Variants in TP53I11 observed in about 807,000 individuals in gnomAD.
The protein encoded by TP53I11 is tumor protein p53 inducible protein 11, also known as tumor protein p53-inducible protein 11.
TP53I11 carries 9 observed loss-of-function variants against 23.3 expected under a neutral mutation model. The ratio of observed to expected loss-of-function variants is 0.39; its 90% CI spans 0.23 to 0.67. The LOEUF is 0.67. Among genes scored for constraint, TP53I11 ranks in the 30% least tolerant of loss-of-function variants. The probability of loss-of-function intolerance (pLI) is 0.48; values close to 1 mark genes in which losing one functional copy is unlikely to be tolerated. For synonymous variants in TP53I11, 100 were observed against 106.1 expected (o/e 0.94, Z 0.35); for missense variants, 170 against 255.2 (o/e 0.67, Z 2.27).
chr11:44,940,592 C>T (rs1861652561), intron 1 of TP53I11: 1 of 152,214 alleles, frequency 6.6e-6, no homozygotes, highest in Non-Finnish European at 1.5e-5. Flanking sequence ...AGAGTCCGCT[C>T]CTTTTTATTG....
chr11:44,948,583 C>T (rs2135518854), intron 1 of TP53I11, among the ~76,000 whole-genome samples: 1 of 152,278 alleles, frequency 6.6e-6, no homozygotes, highest in East Asian at 1.9e-4. Flanking sequence ...GAATTGCCTC[C>T]CCCTGCCCCC....
intron 1 of TP53I11, among the ~76,000 whole-genome samples, chr11:44,947,585 G>A (rs1180275839): frequency 1.3e-5 from 2 of 152,250 alleles, no homozygotes; most frequent in East Asian, 1.9e-4. Flanking sequence ...GGGGAGGCAG[G>A]TGGAAGGGTC....
chr11:44,935,707 T>G, intron 5 of TP53I11, 45 bp from the exon 6 acceptor site: 1 of 1,357,906 alleles, frequency 7.4e-7, no homozygotes, highest in Non-Finnish European at 1.0e-6. Flanking sequence ...GACAGCTGAC[T>G]CCCTCCCAGC....
rs1272170429 is a variant in TP53I11 at position 44,933,066 on chromosome 11, G to C, written c.*1818C>G. The C allele has an allele frequency of 6.6e-6, 1 of 152,588 alleles. No homozygotes were observed. Among genetic ancestry groups the C allele is most frequent in the African/African-American group, 2.4e-5 (1 of 41,486 alleles). The allele number at this position is 152,588 out of a possible 1,614,324, so 9.5% of individuals were successfully genotyped here. A position where few individuals can be genotyped will look rare whatever the true frequency, so the allele number is the denominator to read the frequency against. ...GCAGTGGTGGCTCGTGGCCAGACCA[G>C]GGCTCGGCAGCAGGGAGGCAGCTCT... On this transcript the variant is annotated 3_prime_UTR_variant, in exon 7 of 7. Transcript: ENST00000525680.
chr11:44,943,585 T>G (rs554338006), intron 1 of TP53I11, among the ~76,000 whole-genome samples: 20 of 152,346 alleles, frequency 1.3e-4, no homozygotes, highest in African/African-American at 4.3e-4. Context: ...AGAAGGTCCC[T>G]GGGACACTCT....
At chr11:44,946,430 G>A (rs890121119) in intron 1 of TP53I11, among the ~76,000 whole-genome samples, 13 of 152,208 alleles carry the variant, frequency 8.5e-5, no homozygotes, top group Admixed American at 2.0e-4. Flanking sequence ...TGCAGCATCC[G>A]TCTTCCTCAT....
Position 44,939,547 on chromosome 11 carries a change from C to T in TP53I11, c.-31-1181G>A, listed in dbSNP as rs1590759693. Among the ~76,000 whole-genome samples, 4 of 152,366 alleles carry T rather than the reference C, an allele frequency of 2.6e-5. No homozygotes were observed. The East Asian group carries it at 7.7e-4, about 29-fold the overall frequency. On this transcript the variant is annotated intron_variant, in intron 1 of 6. Transcript: ENST00000525680. The stretch of plus-strand genomic sequence containing the variant: ...CCAGGCAAATCTCACCCTCCTGCCC[C>T]AGCCAGGGCTGCCAGAGGCAGAGTG...
chr11:44,948,344 G>A, intron 1 of TP53I11, among the ~76,000 whole-genome samples: 1 of 152,044 alleles, frequency 6.6e-6, no homozygotes, highest in East Asian at 1.9e-4. Context: ...TAGCTGCAGG[G>A]TAGGCACATT....
intron 1 of TP53I11, 141 bp from the exon 2 acceptor site, chr11:44,938,507 C>T: frequency 3.0e-6 from 3 of 985,488 alleles, no homozygotes; most frequent in Middle Eastern, 3.2e-4. Context: ...AGGGGGAGTA[C>T]AGCTGGCTTC....
At chr11:44,949,381 GC>G (rs1862707541) in intron 1 of TP53I11, among the ~76,000 whole-genome samples, 2 of 152,092 alleles carry the variant, frequency 1.3e-5, no homozygotes, top group South Asian at 4.1e-4. Context: ...CCGCAGGCCC[GC>G]CCCGTCAAGA....
At position 44,936,945 on chromosome 11, in the gene TP53I11, G is replaced by C. The variant is rs939498250; in HGVS notation, c.238-46C>G. 8 of 1,380,264 alleles carry C rather than the reference G, an allele frequency of 5.8e-6. No individual in the cohort carries two copies. Among genetic ancestry groups the C allele is most frequent in the Non-Finnish European group, 7.0e-6 (7 of 1,000,016 alleles). The allele number at this position is 1,380,264 out of a possible 1,614,324, so 85.5% of individuals were successfully genotyped here. A position where few individuals can be genotyped will look rare whatever the true frequency, so the allele number is the denominator to read the frequency against. On this transcript the variant is annotated intron_variant, in intron 4 of 6. Transcript: ENST00000525680. The surrounding 1 kb of genome is among the most constrained non-coding windows in gnomAD (Gnocchi z 4.4). ...TCAGAGGTCCCGCTTGGGAGAGGGT[G>C]GGGGGTGACAGCTGATGCTTCCCAC...
intron 6 of TP53I11, 51 bp from the exon 7 acceptor site, chr11:44,935,068 C>T: frequency 1.2e-6 from 2 of 1,606,896 alleles, no homozygotes; most frequent in Non-Finnish European, 8.5e-7. Flanking sequence ...GGGATGTGTC[C>T]CAGCGCTGCC....
rs1565049408 is a variant in TP53I11, at chr11:44,933,690, C to T, written c.*1194G>A. ...GGCCCCAAGACAGCCAGTTGTCAGC[C>T]TTTGCCAGGGCGCTGGACAGGGCGG... On this transcript the variant is annotated 3_prime_UTR_variant, in exon 7 of 7. Transcript: ENST00000525680. 1 of 153,016 alleles carries T rather than the reference C, an allele frequency of 6.5e-6. No homozygotes were observed. Among genetic ancestry groups the T allele is most frequent in the South Asian group, 2.0e-4 (1 of 4,958 alleles). 9.5% of individuals were successfully genotyped at this position (153,016 alleles called of 1,614,324 possible).
chr11:44,948,163 G>A (rs1003027151), intron 1 of TP53I11, among the ~76,000 whole-genome samples: 5 of 152,150 alleles, frequency 3.3e-5, no homozygotes, highest in Admixed American at 6.5e-5. Flanking sequence ...GGGAGGTATC[G>A]TGGACCAGGA....
chr11:44,941,007 T>A (rs1394456368), intron 1 of TP53I11: 2 of 152,198 alleles, frequency 1.3e-5, no homozygotes, highest in African/African-American at 2.4e-5. Flanking sequence ...CCTTACCTCT[T>A]CCTGCTGTGT....
At chr11:44,938,141 C>A in intron 2 of TP53I11, 66 bp downstream of exon 2, 3 of 1,529,918 alleles carry the variant, frequency 2.0e-6, no homozygotes, top group Non-Finnish European at 2.6e-6. Flanking sequence ...GGCTAACCTT[C>A]TCCCCTAATG....
At chr11:44,943,932 C>T (rs528096148) in intron 1 of TP53I11, among the ~76,000 whole-genome samples, 2 of 152,156 alleles carry the variant, frequency 1.3e-5, no homozygotes, top group Admixed American at 6.5e-5. Flanking sequence ...TTAGACGTGG[C>T]GGGCTGAGGG....
At chr11:44,946,799 G>T (rs72903113) in intron 1 of TP53I11, among the ~76,000 whole-genome samples, 1,740 of 152,178 alleles carry the variant, frequency 0.011, 9 homozygotes, top group Non-Finnish European at 0.017. Context: ...ATGAGAATGT[G>T]GTCTCTAGGG....
At chr11:44,948,085 G>C (rs576003393) in intron 1 of TP53I11, among the ~76,000 whole-genome samples, 11 of 152,146 alleles carry the variant, frequency 7.2e-5, no homozygotes, top group African/African-American at 1.7e-4. Context: ...GCAGGAGGAC[G>C]ATGCTGCGCT....
Sources: gnomAD v4.1 joint callset for allele counts (sites outside exome capture counted in the v4.1 genomes callset) on GRCh38, gnomAD v4.1.1 for gene constraint, Gnocchi (gnomAD v3.1) non-coding constraint, MANE v1.5 for transcripts, NCBI Gene and HGNC (gene_info 2026-07-23, HGNC 2026-07-21) for gene names.